The following MDGA2 variants were observed in gnomAD, a reference collection of about 807,000 sequenced individuals.
MDGA2 encodes MAM domain containing glycosylphosphatidylinositol anchor 2.
Under a neutral mutation model 117.8 loss-of-function variants are expected in MDGA2, and 40 were observed. That is an observed-to-expected ratio of 0.34 (90% confidence interval 0.26 to 0.44). MDGA2 has a LOEUF of 0.44. Ranked by LOEUF, MDGA2 falls within the 20% of genes least tolerant of loss-of-function variation. The pLI, the probability that MDGA2 is intolerant of heterozygous loss-of-function variation, is 1.00. For synonymous variants in MDGA2, 452 were observed against 439.0 expected, an observed-to-expected ratio of 1.03 and a Z score of -0.37; for missense variants, 1,123 against 1,250.6, an observed-to-expected ratio of 0.90 and a Z score of 1.54.
intron 1 of MDGA2, among the ~76,000 whole-genome samples, chr14:47,329,561 T>C: frequency 6.6e-6 from 1 of 152,080 alleles, no homozygotes; most frequent in East Asian, 1.9e-4. Flanking sequence ...TGTGGTTTAT[T>C]TTCTTCCAGA....
At chr14:46,982,734 A>AAAAAAAAATAATAAT (rs1449356596) in intron 8 of MDGA2, among the ~76,000 whole-genome samples, 17 of 130,402 alleles carry the variant, frequency 1.3e-4, no homozygotes, top group Non-Finnish European at 2.4e-4. Context: ...AAAAAAAAAA[A>AAAAAAAAATAATAAT]AATCATGTCA....
chr14:47,514,415 C>T (rs548468936), intron 1 of MDGA2, among the ~76,000 whole-genome samples: 2 of 152,120 alleles, frequency 1.3e-5, no homozygotes, highest in African/African-American at 2.4e-5. Context: ...GAATTCTGCC[C>T]TTTGAGTTTT....
At chr14:47,142,478 AAAAG>A (rs778875585) in intron 4 of MDGA2, among the ~76,000 whole-genome samples, 8 of 147,282 alleles carry the variant, frequency 5.4e-5, no homozygotes, top group African/African-American at 5.1e-5. Context: ...CAAACAAACA[AAAAG>A]AAATAGCCAT....
intron 6 of MDGA2, among the ~76,000 whole-genome samples, chr14:47,068,822 A>G (rs1890175221): frequency 6.6e-6 from 1 of 152,184 alleles, no homozygotes; most frequent in Non-Finnish European, 1.5e-5. Flanking sequence ...TGTAGTTGTG[A>G]AAATTAGATG....
rs529209491 is a variant in MDGA2 at position 47,210,228 on chromosome 14, C to A, written c.595+7793G>T. Among the ~76,000 whole-genome samples the A allele has an allele frequency of 6.6e-5, 10 of 152,200 alleles. No individual in the cohort carries two copies. The East Asian group carries it at 1.2e-3, about 18-fold the overall frequency. On this transcript the variant is annotated intron_variant, in intron 3 of 16. Coordinates refer to ENST00000399232, the MANE Select transcript of MDGA2 (RefSeq NM_001113498.3). ...GAACATAATGAAATGCAGCAATCTACCTAAGTGACATGAAAGTAGGGGATA... is the reference window on the plus strand; with the variant it reads ...GAACATAATGAAATGCAGCAATCTAACTAAGTGACATGAAAGTAGGGGATA...
chr14:47,413,867 A>G (rs1892423303), intron 1 of MDGA2, among the ~76,000 whole-genome samples: 1 of 152,090 alleles, frequency 6.6e-6, no homozygotes, highest in South Asian at 2.1e-4. Context: ...ATGGTTAGAA[A>G]TTTATTAGAA....
intron 14 of MDGA2, among the ~76,000 whole-genome samples, chr14:46,862,915 G>GA (rs1429718434): frequency 5.3e-5 from 8 of 151,922 alleles, no homozygotes; most frequent in African/African-American, 1.4e-4. Flanking sequence ...TATCCTAAAT[G>GA]AAAAATGCCA....
chr14:47,350,718 C>T (rs1260350910), intron 1 of MDGA2, among the ~76,000 whole-genome samples: 2 of 152,172 alleles, frequency 1.3e-5, no homozygotes, highest in Non-Finnish European at 2.9e-5. Flanking sequence ...GTAACCCTAG[C>T]ATTTTAATAA....
At chr14:47,144,415 C>T (rs1429931883) in intron 3 of MDGA2, 141 bp from the exon 4 acceptor site, 2 of 557,980 alleles carry the variant, frequency 3.6e-6, no homozygotes, top group Admixed American at 6.9e-5. Flanking sequence ...TTTCACTCAG[C>T]TTATTGAATT....
In MDGA2 at chr14:47,365,276, T is replaced by C. The variant is rs531736544; in HGVS notation, c.281-63726A>G. 2.6e-5 allele frequency among the ~76,000 whole-genome samples: 4 copies of C among 152,384 alleles called. No homozygotes were observed. In the South Asian group the frequency reaches 6.2e-4, roughly 24 times the overall value. ...GAGCACAGCTGGAAAATGTGCATCT[T>C]GGGGGCCCACCCCTGCCTTTCCCTT... On this transcript the variant is annotated intron_variant, in intron 1 of 16. Transcript: ENST00000399232.
At chr14:47,652,771 G>A (rs1306517460) in intron 1 of MDGA2, among the ~76,000 whole-genome samples, 1 of 151,746 alleles carries the variant, frequency 6.6e-6, no homozygotes, top group East Asian at 1.9e-4. Flanking sequence ...CTCCCCCCAG[G>A]CACACACAAA....
At chr14:47,170,290 G>A (rs1013364510) in intron 3 of MDGA2, among the ~76,000 whole-genome samples, 1 of 152,134 alleles carries the variant, frequency 6.6e-6, no homozygotes, top group East Asian at 1.9e-4. Context: ...ATAAGAAATT[G>A]TTTGAAATTT....
intron 6 of MDGA2, among the ~76,000 whole-genome samples, chr14:47,075,823 T>A (rs947127209): frequency 1.3e-5 from 2 of 152,104 alleles, no homozygotes; most frequent in Non-Finnish European, 2.9e-5. Context: ...TATTAAAAAA[T>A]CAGCTGGTTT....
intron 3 of MDGA2, among the ~76,000 whole-genome samples, chr14:47,204,890 C>T (rs1292180813): frequency 6.6e-6 from 1 of 151,832 alleles, no homozygotes; most frequent in African/African-American, 2.4e-5. Flanking sequence ...TTTCTAATTC[C>T]TATTTTTGCC....
intron 1 of MDGA2, among the ~76,000 whole-genome samples, chr14:47,520,225 C>T (rs1202048986): frequency 6.6e-6 from 1 of 152,150 alleles, no homozygotes; most frequent in Non-Finnish European, 1.5e-5. Flanking sequence ...ATGTACTATT[C>T]TCTCTTTAAT....
chr14:47,195,626 G>A (rs570885484), intron 3 of MDGA2, among the ~76,000 whole-genome samples: 1 of 152,160 alleles, frequency 6.6e-6, no homozygotes, highest in African/African-American at 2.4e-5. Flanking sequence ...ATAAGTTCAA[G>A]CAGTTCATTG....
intron 5 of MDGA2, among the ~76,000 whole-genome samples, chr14:47,100,440 A>G (rs1032378854): frequency 1.3e-5 from 2 of 152,138 alleles, no homozygotes; most frequent in African/African-American, 4.8e-5. Context: ...TGTTAATTGA[A>G]TTATCTCATT....
rs1389383615 is a variant in MDGA2 at position 47,370,493 on chromosome 14, TTTTTTGTGTG to T, written c.281-68953_281-68944del. ...GTTTTTTTTTTTTTTTTTTTTTTTT[TTTTTTGTGTG>T]TGTGTGTGTGTGTGTGTGTGTGTTT... On this transcript the variant is annotated intron_variant, in intron 1 of 16. Coordinates refer to ENST00000399232, the MANE Select transcript of MDGA2 (RefSeq NM_001113498.3). 3.4e-4 allele frequency among the ~76,000 whole-genome samples: 23 copies of T among 68,478 alleles called. No individual in the cohort carries two copies. The South Asian group carries it at 9.0e-3, about 27-fold the overall frequency. 44.9% of individuals were successfully genotyped at this position (68,478 alleles called of 152,430 possible).
intron 1 of MDGA2, among the ~76,000 whole-genome samples, chr14:47,602,891 T>C (rs1896674003): frequency 6.6e-6 from 1 of 152,176 alleles, no homozygotes; most frequent in Admixed American, 6.6e-5. Context: ...TTGTTCTGAT[T>C]GAATATATCA....
Sources: gnomAD v4.1 joint callset for allele counts (sites outside exome capture counted in the v4.1 genomes callset) on GRCh38, gnomAD v4.1.1 for gene constraint, MANE v1.5 for transcripts, NCBI Gene and HGNC (gene_info 2026-07-23, HGNC 2026-07-21) for gene names.